RCOR1: variants seen among roughly 807,000 people sequenced by gnomAD.
The protein encoded by RCOR1 is REST corepressor 1.
A neutral mutation model predicts 64.0 loss-of-function variants in RCOR1; 12 were observed. That is an observed-to-expected ratio of 0.19 (90% CI 0.12 to 0.30). RCOR1 has a LOEUF of 0.30. Among genes scored for constraint, RCOR1 ranks in the 10% least tolerant of loss-of-function variants. RCOR1 has a pLI of 1.00. For missense variants in RCOR1, 502 were observed against 621.2 expected, an observed-to-expected ratio of 0.81 and a Z score of 2.04; for synonymous variants, 279 against 227.2, an observed-to-expected ratio of 1.23 and a Z score of -2.05.
chr14:102,641,883 A>G (rs544039541), intron 2 of RCOR1, among the ~76,000 whole-genome samples: 11 of 152,274 alleles, frequency 7.2e-5, no homozygotes, highest in African/African-American at 2.6e-4. Flanking sequence ...TTTTACAAAG[A>G]TGATTGTTGT....
At chr14:102,681,563 G>C (rs892341613) in intron 2 of RCOR1, among the ~76,000 whole-genome samples, 6 of 152,232 alleles carry the variant, frequency 3.9e-5, no homozygotes, top group African/African-American at 1.4e-4. Context: ...AGGCAGAGAA[G>C]GGTAAGGGTG....
At chr14:102,655,908 G>A (rs59442125) in intron 2 of RCOR1, 9 of 864,300 alleles carry the variant, frequency 1.0e-5, no homozygotes, top group African/African-American at 1.8e-5. Context: ...AGTCGAGATC[G>A]CGCCACTGCA....
chr14:102,601,332 G>A (rs1041605081), intron 2 of RCOR1, among the ~76,000 whole-genome samples: 1 of 152,150 alleles, frequency 6.6e-6, no homozygotes, highest in African/African-American at 2.4e-5. Context: ...TTTAATACTA[G>A]GCAATATTTG....
chr14:102,621,468 T>C (rs1233244762), intron 2 of RCOR1, among the ~76,000 whole-genome samples: 1 of 148,756 alleles, frequency 6.7e-6, no homozygotes, highest in Non-Finnish European at 1.5e-5. Flanking sequence ...CTTGAACTCC[T>C]GGGCTCAAAT....
intron 2 of RCOR1, among the ~76,000 whole-genome samples, chr14:102,666,981 G>GA (rs1595220357): frequency 6.6e-6 from 1 of 152,156 alleles, no homozygotes; most frequent in Non-Finnish European, 1.5e-5. Context: ...CACTGAAGGG[G>GA]AAGGGAGTTA....
chr14:102,699,382 A>G (rs1266136599), intron 3 of RCOR1, among the ~76,000 whole-genome samples: 3 of 152,218 alleles, frequency 2.0e-5, no homozygotes, highest in African/African-American at 7.2e-5. Flanking sequence ...GTATATAATT[A>G]GTTATTGTTT....
rs1896272751 is a variant in RCOR1 at position 102,726,747 on chromosome 14, C to T, written c.*241C>T. 2.0e-6 allele frequency: 1 copy of T among 510,734 alleles called. No individual in the cohort carries two copies. The highest frequency in any genetic ancestry group is 4.1e-5 in the Admixed American group (1 of 24,616). The allele number at this position is 510,734 out of a possible 1,614,324, so 31.6% of individuals were successfully genotyped here. A position where few individuals can be genotyped will look rare whatever the true frequency, so the allele number is the denominator to read the frequency against. Reference sequence around the variant, plus strand: ...CACTCTGCCCACGTGCTGGGGAAGTCTCACGGCCTGCACATCTCTTGTGAC... The same window carrying T: ...CACTCTGCCCACGTGCTGGGGAAGTTTCACGGCCTGCACATCTCTTGTGAC... On this transcript the variant is annotated 3_prime_UTR_variant, in exon 12 of 12. Coordinates refer to ENST00000262241, the MANE Select transcript of RCOR1 (RefSeq NM_015156.4).
intron 2 of RCOR1, among the ~76,000 whole-genome samples, chr14:102,671,761 A>G (rs1206690210): frequency 3.3e-5 from 5 of 152,218 alleles, no homozygotes; most frequent in African/African-American, 1.2e-4. Flanking sequence ...GTATATTCAG[A>G]GTTGTGTAAC....
chr14:102,706,115 A>C (rs1417211082), intron 4 of RCOR1, among the ~76,000 whole-genome samples: 1 of 58,168 alleles, frequency 1.7e-5, no homozygotes, highest in East Asian at 8.7e-4. Context: ...ACCCTGTCTC[A>C]AAAAAAAAAA....
At chr14:102,676,439 C>G (rs1224438446) in intron 2 of RCOR1, among the ~76,000 whole-genome samples, 1 of 118,298 alleles carries the variant, frequency 8.5e-6, no homozygotes, top group Non-Finnish European at 1.7e-5. Flanking sequence ...CCTCACCTCC[C>G]GGACGGGGCG....
At chr14:102,612,958 CAA>C (rs34850806) in intron 2 of RCOR1, among the ~76,000 whole-genome samples, 20 of 63,554 alleles carry the variant, frequency 3.1e-4, no homozygotes, top group Admixed American at 3.8e-4. Context: ...TATCTCTTAG[CAA>C]AAAAAAAAAA....
chr14:102,593,217 GC>G, intron 1 of RCOR1, 30 bp downstream of exon 1: 1 of 1,473,902 alleles, frequency 6.8e-7, no homozygotes, highest in Admixed American at 2.8e-5. Flanking sequence ...GCGGCCCCGG[GC>G]CCCGCGCCCC....
intron 9 of RCOR1, 21 bp from the exon 10 acceptor site, chr14:102,721,299 A>G: frequency 1.2e-6 from 2 of 1,607,486 alleles, no homozygotes; most frequent in Non-Finnish European, 1.7e-6. Flanking sequence ...ATGTGCTAAA[A>G]TGACTCATTT....
chr14:102,707,470 C>G lies in RCOR1; in HGVS notation c.618C>G (p.Ala206=). The G allele has an allele frequency of 6.2e-7, 1 of 1,610,420 alleles. No individual in the cohort carries two copies. The highest frequency in any genetic ancestry group is 8.5e-7 in the Non-Finnish European group (1 of 1,179,012). ...TVEDKVLFEQ[A]FSFHGKTFHR... is the part of the protein sequence containing the mutation. Reference sequence around the variant, plus strand: ...AAGATAAAGTCTTATTTGAGCAAGCCTTTAGTTTTCATGGGAAAACTTTTC... The same window carrying G: ...AAGATAAAGTCTTATTTGAGCAAGCGTTTAGTTTTCATGGGAAAACTTTTC... The change falls in exon 5 of 12, where the codon GCC becomes GCG. Residue 206 remains alanine, a synonymous_variant. Transcript: ENST00000262241.
At chr14:102,691,835 C>T (rs1895539360) in intron 3 of RCOR1, among the ~76,000 whole-genome samples, 1 of 152,202 alleles carries the variant, frequency 6.6e-6, no homozygotes, top group African/African-American at 2.4e-5. Context: ...TTTCTGTTGA[C>T]AGTGGACATC....
At chr14:102,710,177 G>A (rs542536654) in intron 6 of RCOR1, among the ~76,000 whole-genome samples, 26 of 152,328 alleles carry the variant, frequency 1.7e-4, no homozygotes, top group South Asian at 1.0e-3. Flanking sequence ...AGGAGGTGGC[G>A]CGTAGTGGGC....
intron 2 of RCOR1, among the ~76,000 whole-genome samples, chr14:102,641,435 A>T (rs1220969701): frequency 6.6e-6 from 1 of 152,066 alleles, no homozygotes; most frequent in African/African-American, 2.4e-5. Flanking sequence ...CCCCATCTCT[A>T]CAAAAAGTAC....
chr14:102,715,993 T>A (rs1356426919), intron 8 of RCOR1, among the ~76,000 whole-genome samples: 1 of 152,180 alleles, frequency 6.6e-6, no homozygotes, highest in East Asian at 1.9e-4. Context: ...TCCCTAGGCA[T>A]CACCAGATTA....
At chr14:102,709,092 A>G (rs1218055897) in intron 6 of RCOR1, among the ~76,000 whole-genome samples, 2 of 152,232 alleles carry the variant, frequency 1.3e-5, no homozygotes, top group African/African-American at 2.4e-5. Context: ...TCACTTCCTC[A>G]GTCTTATATG....
Sources: allele counts gnomAD v4.1 joint callset (sites outside exome capture counted in the v4.1 genomes callset), GRCh38; gene constraint gnomAD v4.1.1; transcripts MANE v1.5; gene names NCBI Gene and HGNC (gene_info 2026-07-23, HGNC 2026-07-21).